The following RBM47 variants were observed in gnomAD, a reference collection of about 807,000 sequenced individuals.
RBM47 encodes RNA-binding protein 47.
In RBM47, 21 loss-of-function variants were observed where a neutral mutation model predicts 47.1. The observed-to-expected ratio is 0.45, with a 90% CI of 0.32 to 0.64. The LOEUF (loss-of-function observed/expected upper bound fraction) is 0.64, where lower values mean the gene tolerates loss of function less well. Ranked by LOEUF, RBM47 falls within the 30% of genes least tolerant of loss-of-function variation. The pLI, the probability that RBM47 is intolerant of heterozygous loss-of-function variation, is 0.05. For missense variants in RBM47, 708 were observed against 870.9 expected (o/e 0.81, Z 2.35); for synonymous variants, 375 against 361.7 (o/e 1.04, Z -0.42).
intron 1 of RBM47, among the ~76,000 whole-genome samples, chr4:40,577,947 G>T (rs955201669): frequency 6.6e-6 from 1 of 152,048 alleles, no homozygotes; most frequent in Non-Finnish European, 1.5e-5. Context: ...GGAGGTCAAG[G>T]CCAGCCTAGA....
chr4:40,616,808 A>G (rs981360893), intron 1 of RBM47, among the ~76,000 whole-genome samples: 15 of 151,420 alleles, frequency 9.9e-5, no homozygotes, highest in African/African-American at 3.6e-4. Flanking sequence ...TACAGCATGA[A>G]TTTGCATGTC....
At chr4:40,522,874 T>C (rs1357942649) in intron 2 of RBM47, among the ~76,000 whole-genome samples, 7 of 152,062 alleles carry the variant, frequency 4.6e-5, no homozygotes, top group Non-Finnish European at 8.8e-5. Flanking sequence ...AGGAAATTAA[T>C]ATTTTTCTTA....
intron 1 of RBM47, among the ~76,000 whole-genome samples, chr4:40,560,736 G>A (rs1396280589): frequency 6.6e-6 from 1 of 152,214 alleles, no homozygotes; most frequent in Admixed American, 6.5e-5. Context: ...GGAGGCCAAG[G>A]CAGGTGGATT....
At chr4:40,592,936 C>CATAAATAT (rs1553906500) in intron 1 of RBM47, among the ~76,000 whole-genome samples, 3 of 39,724 alleles carry the variant, frequency 7.6e-5, no homozygotes, top group African/African-American at 3.0e-4. Flanking sequence ...CAATTTGGGA[C>CATAAATAT]ATATATATAT....
At chr4:40,506,843 A>G (rs557002627) in intron 2 of RBM47, among the ~76,000 whole-genome samples, 1 of 152,306 alleles carries the variant, frequency 6.6e-6, no homozygotes, top group South Asian at 2.1e-4. Context: ...TTTTCCTTCA[A>G]AAAAATCTTG....
At chr4:40,478,639 G>A (rs895221755) in intron 2 of RBM47, among the ~76,000 whole-genome samples, 3 of 152,126 alleles carry the variant, frequency 2.0e-5, no homozygotes, top group African/African-American at 7.2e-5. Flanking sequence ...TGGTAAGAGA[G>A]TTATTATTAT....
At chr4:40,589,746 T>C (rs1483615936) in intron 1 of RBM47, among the ~76,000 whole-genome samples, 1 of 152,238 alleles carries the variant, frequency 6.6e-6, no homozygotes, top group Non-Finnish European at 1.5e-5. Context: ...GTCTGAACTG[T>C]ACAATTTAAA....
At chr4:40,601,644 G>C (rs1431544523) in intron 1 of RBM47, among the ~76,000 whole-genome samples, 1 of 152,196 alleles carries the variant, frequency 6.6e-6, no homozygotes, top group Admixed American at 6.5e-5. Flanking sequence ...AGCTTCGCTT[G>C]CTTGTTTGTT....
intron 1 of RBM47, among the ~76,000 whole-genome samples, chr4:40,592,415 C>CT (rs1230299861): frequency 2.6e-4 from 36 of 136,880 alleles, no homozygotes; most frequent in East Asian, 4.2e-4. Context: ...CTGGCTTAAT[C>CT]TTTTTTTTTT....
chr4:40,575,552 C>CAAAAAAAAAGAA (rs1553903786), intron 1 of RBM47, among the ~76,000 whole-genome samples: 2 of 98,364 alleles, frequency 2.0e-5, no homozygotes, highest in East Asian at 5.9e-4. Context: ...AACTCCATCT[C>CAAAAAAAAAGAA]AAAAAAAAAA....
chr4:40,621,692 G>A (rs1737278587), intron 1 of RBM47, among the ~76,000 whole-genome samples: 1 of 152,174 alleles, frequency 6.6e-6, no homozygotes, highest in African/African-American at 2.4e-5. Flanking sequence ...AGTAACATAA[G>A]TCAGTCAAGT....
At chr4:40,497,204 C>CT (rs1250920331) in intron 2 of RBM47, among the ~76,000 whole-genome samples, 2 of 152,170 alleles carry the variant, frequency 1.3e-5, no homozygotes, top group Non-Finnish European at 2.9e-5. Context: ...AAGATGGTCC[C>CT]TCACTTCGGT....
At chr4:40,426,347 C>T (rs1351309828) in intron 6 of RBM47, among the ~76,000 whole-genome samples, 4 of 152,158 alleles carry the variant, frequency 2.6e-5, no homozygotes, top group African/African-American at 9.7e-5. Context: ...CATCCTCAAA[C>T]TCAGTGATGC....
At chr4:40,581,434 T>TAACAAATAAATAAATA (rs1553904669) in intron 1 of RBM47, among the ~76,000 whole-genome samples, 22 of 138,988 alleles carry the variant, frequency 1.6e-4, no homozygotes, top group Non-Finnish European at 2.6e-4. Flanking sequence ...AAAAAAGTAA[T>TAACAAATAAATAAATA]AATAAATAAA....
At chr4:40,508,099 C>G (rs16852284) in intron 2 of RBM47, among the ~76,000 whole-genome samples, 24,080 of 152,156 alleles carry the variant, frequency 0.16, 2,234 homozygotes, top group East Asian at 0.26. Flanking sequence ...GTACGTAAAA[C>G]CTGAGCCTCA....
chr4:40,580,688 C>T (rs11734205), intron 1 of RBM47, among the ~76,000 whole-genome samples: 14,650 of 152,268 alleles, frequency 0.096, 881 homozygotes, highest in South Asian at 0.17. Context: ...AGGCTCAGCT[C>T]TCACACATAT....
chr4:40,529,765 G>C (rs1227001070), intron 2 of RBM47, among the ~76,000 whole-genome samples: 3 of 149,384 alleles, frequency 2.0e-5, no homozygotes, highest in Non-Finnish European at 3.0e-5. Context: ...GAAGGCGGAG[G>C]TTGCAGTGAG....
chr4:40,537,090 T>A lies in RBM47; in HGVS notation c.-155+7332A>T, dbSNP rs141221932. 4.4e-4 allele frequency among the ~76,000 whole-genome samples: 67 copies of A among 152,262 alleles called. No individual in the cohort carries two copies. In the East Asian group the frequency reaches 0.011, roughly 25 times the overall value. On this transcript the variant is annotated intron_variant, in intron 2 of 6. Transcript: ENST00000295971. Reference sequence around the variant, plus strand: ...TAGATCTATGAAACTTTTGCCCACATGAATGAACTAATTTTATTTTATGTT... The same window carrying A: ...TAGATCTATGAAACTTTTGCCCACAAGAATGAACTAATTTTATTTTATGTT...
rs540763364 is a variant in RBM47, at chr4:40,551,004, C to T, written c.-239-6498G>A. Among the ~76,000 whole-genome samples, 202 of 152,082 alleles carry T rather than the reference C, an allele frequency of 1.3e-3. 1 individual carries two copies. Among genetic ancestry groups the T allele is most frequent in the Admixed American group, 2.4e-3 (36 of 15,276 alleles). On this transcript the variant is annotated intron_variant, in intron 1 of 6. Coordinates refer to ENST00000295971, the MANE Select transcript of RBM47 (RefSeq NM_001098634.2). ...GTAACTAACAAACAGCACTTTTTTA[C>T]CCCTAGGTTCACTGAACAAGCTGCC...
Sources: gnomAD v4.1 joint callset for allele counts (sites outside exome capture counted in the v4.1 genomes callset) on GRCh38, gnomAD v4.1.1 for gene constraint, MANE v1.5 for transcripts, NCBI Gene and HGNC (gene_info 2026-07-23, HGNC 2026-07-21) for gene names.